The following MTDH variants were observed in gnomAD, a reference collection of about 807,000 sequenced individuals.
MTDH encodes the protein metadherin.
MTDH carries 34 observed loss-of-function variants against 72.7 expected under a neutral mutation model. That is an observed-to-expected ratio of 0.47 (90% confidence interval 0.36 to 0.62). MTDH has a LOEUF of 0.62. Ranked by LOEUF, MTDH falls within the 20% of genes least tolerant of loss-of-function variation. The pLI is 0.00. For synonymous variants in MTDH, 266 were observed against 268.9 expected, an observed-to-expected ratio of 0.99 and a Z score of 0.10; for missense variants, 677 against 699.4, an observed-to-expected ratio of 0.97 and a Z score of 0.36.
chr8:97,705,610 A>G (rs1814320066), intron 7 of MTDH, among the ~76,000 whole-genome samples: 1 of 152,042 alleles, frequency 6.6e-6, no homozygotes, highest in African/African-American at 2.4e-5. Flanking sequence ...GGGGAAAAAA[A>G]TAAAGAAAGA....
At chr8:97,664,215 G>A (rs951594995) in intron 2 of MTDH, among the ~76,000 whole-genome samples, 3 of 150,222 alleles carry the variant, frequency 2.0e-5, no homozygotes, top group Admixed American at 6.6e-5. Context: ...AATTAGCTGG[G>A]CATGGTGGCG....
Position 97,725,909 on chromosome 8 carries a change from G to A in MTDH, c.*1239G>A, listed in dbSNP as rs1815332024. 6.6e-6 allele frequency: 1 copy of A among 152,500 alleles called. No homozygotes were observed. The highest frequency in any genetic ancestry group is 6.6e-5 in the Admixed American group (1 of 15,248). The allele number at this position is 152,500 out of a possible 1,614,324, so 9.4% of individuals were successfully genotyped here. A position where few individuals can be genotyped will look rare whatever the true frequency, so the allele number is the denominator to read the frequency against. ...ACACTGTAAATAGCCTTTACCAAAC[G>A]TGTTTGACAAGGACCATAATTAACA... On this transcript the variant is annotated 3_prime_UTR_variant, in exon 12 of 12. Transcript: ENST00000336273.
intron 1 of MTDH, 148 bp from the exon 2 acceptor site, chr8:97,660,924 C>G (rs1342584764): frequency 2.4e-6 from 1 of 412,622 alleles, no homozygotes; most frequent in Non-Finnish European, 4.5e-6. Flanking sequence ...AATCTATCAA[C>G]TCTTAGATAA....
rs528041465 is a variant in MTDH, at chr8:97,712,870, A to AT, written c.1273-783dup. Among the ~76,000 whole-genome samples, 1,025 of 151,168 alleles carry AT rather than the reference A, an allele frequency of 6.8e-3. 11 individuals are homozygous for AT. Among genetic ancestry groups the AT allele is most frequent in the African/African-American group, 0.023 (960 of 41,222 alleles). ...TGTCTTTTGCATATTTTCTAAGGGG[A>AT]TTTTTTTTTAAACTTGAGTGTTCCT... On this transcript the variant is annotated intron_variant, in intron 8 of 11. Transcript: ENST00000336273.
At chr8:97,689,639 C>T (rs535701612) in intron 5 of MTDH, among the ~76,000 whole-genome samples, 3 of 151,216 alleles carry the variant, frequency 2.0e-5, no homozygotes, top group Non-Finnish European at 4.4e-5. Flanking sequence ...TTATGCCTGA[C>T]CTGAAAACAA....
chr8:97,713,264 T>G (rs1814708472), intron 8 of MTDH, among the ~76,000 whole-genome samples: 1 of 152,014 alleles, frequency 6.6e-6, no homozygotes, highest in African/African-American at 2.4e-5. Flanking sequence ...TTTTTGTATT[T>G]TTAGTAGAGA....
intron 9 of MTDH, among the ~76,000 whole-genome samples, chr8:97,718,421 T>G (rs1814964088): frequency 6.6e-6 from 1 of 152,248 alleles, no homozygotes; most frequent in African/African-American, 2.4e-5. Flanking sequence ...TATGTAAGCT[T>G]AATTTATCTA....
chr8:97,666,779 C>T (rs996559390), intron 2 of MTDH, among the ~76,000 whole-genome samples: 9 of 152,124 alleles, frequency 5.9e-5, no homozygotes, highest in African/African-American at 1.9e-4. Flanking sequence ...TCACTGCAGC[C>T]TCCACCTCCC....
chr8:97,672,135 TC>T lies in MTDH; in HGVS notation c.483+10963del, dbSNP rs750485445. On this transcript the variant is annotated intron_variant, in intron 2 of 11. Coordinates refer to ENST00000336273, the MANE Select transcript of MTDH (RefSeq NM_178812.4). ...CATAGGTTGGCAAACCATGGCCAAA[TC>T]TAGTGCTCTGCCTGTTTTGTAAATA... Among the ~76,000 whole-genome samples the T allele has an allele frequency of 6.0e-4, 91 of 152,276 alleles. No individual in the cohort carries two copies. In the Middle Eastern group the frequency reaches 0.014, roughly 23 times the overall value.
intron 7 of MTDH, among the ~76,000 whole-genome samples, chr8:97,703,959 ATGT>A (rs1814244290): frequency 6.6e-6 from 1 of 152,200 alleles, no homozygotes; most frequent in Admixed American, 6.5e-5. Context: ...CAATATTCAA[ATGT>A]ATATTTGTTT....
rs1238868616 is a variant in MTDH at position 97,686,710 on chromosome 8, G to A, written c.526G>A (p.Val176Met). The A allele has an allele frequency of 1.9e-6, 3 of 1,597,436 alleles. No homozygotes were observed. Among genetic ancestry groups the A allele is most frequent in the African/African-American group, 2.7e-5 (2 of 74,320 alleles). ...KKKSKSDAKA[V>M]QNSSRHDGKE... ...GAAATCAAAGTCAGATGCTAAAGCA[G>A]TGCAAAACAGTTCACGCCATGATGG... The change falls in exon 3 of 12, where the codon GTG (valine) becomes ATG (methionine). Residue 176 changes from valine to methionine, a missense_variant. Physicochemically the swap from Val to Met is conservative, Grantham distance 21. Coordinates refer to ENST00000336273, the MANE Select transcript of MTDH (RefSeq NM_178812.4).
chr8:97,663,105 C>A (rs1812239026), intron 2 of MTDH, among the ~76,000 whole-genome samples: 1 of 151,986 alleles, frequency 6.6e-6, no homozygotes, highest in Non-Finnish European at 1.5e-5. Flanking sequence ...CTAGTGTTTT[C>A]TTTTTTCTGG....
intron 8 of MTDH, among the ~76,000 whole-genome samples, chr8:97,708,337 A>G (rs1209556928): frequency 7.7e-6 from 1 of 129,156 alleles, no homozygotes; most frequent in African/African-American, 3.0e-5. Flanking sequence ...ACTGGAGTGC[A>G]GTGGCACGAT....
rs747930658 is a variant in MTDH at position 97,699,824 on chromosome 8, C to G, written c.1119C>G (p.Pro373=). The change falls in exon 7 of 12, where the codon CCC becomes CCG. Residue 373 remains proline, a synonymous_variant. Coordinates refer to ENST00000336273, the MANE Select transcript of MTDH (RefSeq NM_178812.4). ...AGTGGGATGTTAGCCGTAATCAACC[C>G]TATATCGATGATGAATGGTCTGGGT... The part of the protein sequence containing the change: ...DYQWDVSRNQ[P]YIDDEWSGLN... 14 of 1,612,558 alleles carry G rather than the reference C, an allele frequency of 8.7e-6. No individual in the cohort carries two copies. In the Admixed American group the frequency reaches 2.2e-4, roughly 25 times the overall value.
chr8:97,646,225 TAGTGCATTATG>T (rs1382142129), intron 1 of MTDH, among the ~76,000 whole-genome samples: 1 of 152,188 alleles, frequency 6.6e-6, no homozygotes, highest in Non-Finnish European at 1.5e-5. Context: ...AGGTCACAGT[TAGTGCATTATG>T]AGGCCTGGAT....
At chr8:97,720,259 T>G (rs1033434477) in intron 10 of MTDH, among the ~76,000 whole-genome samples, 4 of 152,040 alleles carry the variant, frequency 2.6e-5, no homozygotes, top group African/African-American at 9.7e-5. Flanking sequence ...CACTCCAGCC[T>G]GGGCAACAAA....
intron 2 of MTDH, among the ~76,000 whole-genome samples, chr8:97,669,922 C>A (rs371847304): frequency 2.0e-3 from 237 of 119,116 alleles, no homozygotes; most frequent in Middle Eastern, 4.5e-3. Context: ...GACTCCATCT[C>A]AAAAAAAAAA....
intron 2 of MTDH, among the ~76,000 whole-genome samples, chr8:97,677,102 G>C (rs565921548): frequency 2.8e-4 from 39 of 139,982 alleles, no homozygotes; most frequent in African/African-American, 1.0e-3. Context: ...AGGATCACTT[G>C]AGCCCAGGAG....
At chr8:97,709,361 A>C (rs1178526206) in intron 8 of MTDH, among the ~76,000 whole-genome samples, 1 of 152,142 alleles carries the variant, frequency 6.6e-6, no homozygotes, top group Non-Finnish European at 1.5e-5. Flanking sequence ...AATATATAAT[A>C]CCTTAATACA....
Sources: allele counts gnomAD v4.1 joint callset (sites outside exome capture counted in the v4.1 genomes callset), GRCh38; gene constraint gnomAD v4.1.1; transcripts MANE v1.5; gene names NCBI Gene and HGNC (gene_info 2026-07-23, HGNC 2026-07-21).